GALNT2: variants seen among roughly 807,000 people sequenced by gnomAD.
GALNT2 encodes polypeptide N-acetylgalactosaminyltransferase 2, also known as UDP-GalNAc:polypeptide N-acetylgalactosaminyltransferase 2.
In GALNT2, 31 loss-of-function variants were observed where a neutral mutation model predicts 81.4. The observed-to-expected ratio is 0.38, with a 90% CI of 0.29 to 0.51. The LOEUF is 0.51. Ranked by LOEUF, GALNT2 falls within the 20% of genes least tolerant of loss-of-function variation. The probability of loss-of-function intolerance (pLI) is 0.87; values close to 1 mark genes in which losing one functional copy is unlikely to be tolerated. For synonymous variants in GALNT2, 303 were observed against 287.4 expected, an observed-to-expected ratio of 1.05 and a Z score of -0.55; for missense variants, 629 against 765.7, an observed-to-expected ratio of 0.82 and a Z score of 2.11.
chr1:230,071,024 C>T (rs190704570), intron 1 of GALNT2, among the ~76,000 whole-genome samples: 113 of 152,248 alleles, frequency 7.4e-4, no homozygotes, highest in African/African-American at 2.5e-3. Flanking sequence ...ATCATTCTTA[C>T]CTCATGGCCT....
intron 3 of GALNT2, among the ~76,000 whole-genome samples, chr1:230,234,779 C>G (rs755204456): frequency 1.3e-5 from 2 of 152,164 alleles, no homozygotes; most frequent in South Asian, 2.1e-4. Context: ...TTGCTCTGTA[C>G]TAGGATGCTC....
chr1:230,197,811 C>T (rs1663748026), intron 2 of GALNT2, among the ~76,000 whole-genome samples: 1 of 152,096 alleles, frequency 6.6e-6, no homozygotes, highest in Admixed American at 6.5e-5. Flanking sequence ...TGCTCCTCTG[C>T]TCAAGTCCTT....
At chr1:230,236,984 A>C (rs1368847697) in intron 6 of GALNT2, among the ~76,000 whole-genome samples, 1 of 152,210 alleles carries the variant, frequency 6.6e-6, no homozygotes, top group Non-Finnish European at 1.5e-5. Flanking sequence ...TCTTTCTTTC[A>C]CAACCTAGGA....
In GALNT2 at chr1:230,067,308, T is replaced by C; in HGVS notation, c.28T>C (p.Cys10Arg). MRRRSRMLL[C>R]FAFLWVLGIA... ...GCGGCGGCGCTCGCGGATGCTGCTC[T>C]GCTTCGCCTTCCTGTGGGTGCTGGG... The change falls in exon 1 of 16, where the codon TGC (cysteine) becomes CGC (arginine). Residue 10 changes from cysteine (C) to arginine (R), a missense_variant. By Grantham distance (180) the Cys-to-Arg change is radical (BLOSUM62 -3). Around this residue, in one of 3 missense-constraint regions of GALNT2, gnomAD observed 62 missense variants for 47.3 expected, o/e 1.31. Coordinates refer to ENST00000366672, the MANE Select transcript of GALNT2 (RefSeq NM_004481.5). 1 of 1,380,110 alleles carries C rather than the reference T, an allele frequency of 7.2e-7. No homozygotes were observed. Among genetic ancestry groups the C allele is most frequent in the Non-Finnish European group, 9.5e-7 (1 of 1,053,292 alleles). The allele number at this position is 1,380,110 out of a possible 1,614,324, so 85.5% of individuals were successfully genotyped here.
Position 230,103,645 on chromosome 1 carries a change from G to A in GALNT2, c.126+36239G>A, listed in dbSNP as rs748052734. On this transcript the variant is annotated intron_variant, in intron 1 of 15. Transcript: ENST00000366672. ...AGATTCTTGCAGGATTTTGTCTGTG[G>A]TTCTAAGGAGACAAGTAGGTGGCAC... Among the ~76,000 whole-genome samples, 11 of 152,130 alleles carry A rather than the reference G, an allele frequency of 7.2e-5. 1 individual carries two copies. The highest frequency in any genetic ancestry group is 5.2e-4 in the Admixed American group (8 of 15,290).
At chr1:230,135,935 T>C (rs1296639352) in intron 1 of GALNT2, among the ~76,000 whole-genome samples, 2 of 151,812 alleles carry the variant, frequency 1.3e-5, no homozygotes, top group Non-Finnish European at 1.5e-5. Flanking sequence ...TCAGGCGAGC[T>C]CCCCACCTCC....
At chr1:230,181,786 C>A (rs1663168181) in intron 2 of GALNT2, among the ~76,000 whole-genome samples, 1 of 152,174 alleles carries the variant, frequency 6.6e-6, no homozygotes, top group Admixed American at 6.5e-5. Context: ...CTGCTTCTGT[C>A]TTCTGGAAGA....
intron 3 of GALNT2, among the ~76,000 whole-genome samples, chr1:230,210,979 G>A (rs1302126994): frequency 6.6e-6 from 1 of 152,236 alleles, no homozygotes; most frequent in African/African-American, 2.4e-5. Flanking sequence ...CTTGGAGGGA[G>A]GCTTTGGCTA....
At chr1:230,098,530 C>T (rs751749405) in intron 1 of GALNT2, among the ~76,000 whole-genome samples, 4 of 151,772 alleles carry the variant, frequency 2.6e-5, no homozygotes, top group Admixed American at 6.6e-5. Context: ...TAGAGACCTA[C>T]AAGCAGAAGC....
chr1:230,229,468 T>G (rs1664809123), intron 3 of GALNT2, among the ~76,000 whole-genome samples: 1 of 152,200 alleles, frequency 6.6e-6, no homozygotes, highest in Admixed American at 6.5e-5. Flanking sequence ...GATGATCTCA[T>G]GCAGGTCCGG....
At chr1:230,105,772 AT>A (rs1465456669) in intron 1 of GALNT2, among the ~76,000 whole-genome samples, 5 of 152,170 alleles carry the variant, frequency 3.3e-5, no homozygotes, top group Non-Finnish European at 7.4e-5. Flanking sequence ...CATAAGCATG[AT>A]TATATCCATT....
chr1:230,123,082 T>A (rs1363940009), intron 1 of GALNT2, among the ~76,000 whole-genome samples: 3 of 152,252 alleles, frequency 2.0e-5, no homozygotes, highest in Non-Finnish European at 4.4e-5. Flanking sequence ...GCATGCTGTT[T>A]AGGAGACTTC....
At chr1:230,166,996 G>A (rs1360624597) in intron 1 of GALNT2, among the ~76,000 whole-genome samples, 1 of 152,124 alleles carries the variant, frequency 6.6e-6, no homozygotes, top group Non-Finnish European at 1.5e-5. Flanking sequence ...AATGATTTGT[G>A]ATGAGATAAG....
intron 1 of GALNT2, among the ~76,000 whole-genome samples, chr1:230,153,007 A>G (rs1176934653): frequency 1.3e-5 from 2 of 152,190 alleles, no homozygotes; most frequent in African/African-American, 4.8e-5. Context: ...CATAATCAAT[A>G]CTTGGTGACT....
intron 7 of GALNT2, among the ~76,000 whole-genome samples, chr1:230,244,698 C>T (rs1665311377): frequency 6.6e-6 from 1 of 152,168 alleles, no homozygotes; most frequent in African/African-American, 2.4e-5. Context: ...CCTTATGAAA[C>T]AAAATGTAAA....
chr1:230,186,910 T>G (rs1663354318), intron 2 of GALNT2, among the ~76,000 whole-genome samples: 1 of 152,254 alleles, frequency 6.6e-6, no homozygotes, highest in African/African-American at 2.4e-5. Flanking sequence ...ACATAATTTT[T>G]TTGTTGTTAG....
At chr1:230,218,106 C>T (rs1465175387) in intron 3 of GALNT2, among the ~76,000 whole-genome samples, 1 of 152,156 alleles carries the variant, frequency 6.6e-6, no homozygotes, top group Admixed American at 6.5e-5. Flanking sequence ...AAACCTGTTG[C>T]CGTGATCCAG....
chr1:230,160,293 G>A (rs186847391), intron 1 of GALNT2, among the ~76,000 whole-genome samples: 458 of 152,294 alleles, frequency 3.0e-3, no homozygotes, highest in African/African-American at 0.01. Context: ...GCTGACTGTT[G>A]ACCACTATCC....
chr1:230,245,285 G>A (rs1665331319), intron 7 of GALNT2, among the ~76,000 whole-genome samples: 1 of 152,106 alleles, frequency 6.6e-6, no homozygotes. Context: ...CCAACATGGA[G>A]AAATCCCATC....
Sources: gnomAD v4.1 joint callset for allele counts (sites outside exome capture counted in the v4.1 genomes callset) on GRCh38, gnomAD v4.1.1 for gene constraint, gnomAD v4.1.1 regional missense constraint, MANE v1.5 for transcripts, NCBI Gene and HGNC (gene_info 2026-07-23, HGNC 2026-07-21) for gene names.